DNASE1L3: variants seen among roughly 807,000 people sequenced by gnomAD.
DNASE1L3 encodes deoxyribonuclease 1L3.
A neutral mutation model predicts 30.9 loss-of-function variants in DNASE1L3; 27 were observed. That is an observed-to-expected ratio of 0.87 (90% CI 0.64 to 1.20). The LOEUF is 1.20. Ranked by LOEUF, DNASE1L3 falls within the 50% of genes most tolerant of loss-of-function variation. The probability of loss-of-function intolerance (pLI) is 0.00; values close to 1 mark genes in which losing one functional copy is unlikely to be tolerated. For synonymous variants in DNASE1L3, 135 were observed against 138.0 expected (o/e 0.98, Z 0.15); for missense variants, 364 against 378.2 (o/e 0.96, Z 0.31).
intron 5 of DNASE1L3, among the ~76,000 whole-genome samples, chr3:58,199,480 G>C (rs2097399288): frequency 6.6e-6 from 1 of 152,122 alleles, no homozygotes; most frequent in African/African-American, 2.4e-5. Context: ...GACCAGCCTG[G>C]CCAACATGGT....
chr3:58,202,014 C>T (rs2097400974), intron 4 of DNASE1L3, among the ~76,000 whole-genome samples: 1 of 151,920 alleles, frequency 6.6e-6, no homozygotes, highest in Non-Finnish European at 1.5e-5. Flanking sequence ...TTTTATTTTC[C>T]CCTTTTTGTG....
At chr3:58,202,272 A>G (rs954870268) in intron 4 of DNASE1L3, among the ~76,000 whole-genome samples, 32 of 145,964 alleles carry the variant, frequency 2.2e-4, no homozygotes, top group African/African-American at 7.4e-4. Flanking sequence ...CAGCCTCCCA[A>G]GTAACTGGGA....
chr3:58,202,123 A>G (rs1361677932), intron 4 of DNASE1L3, among the ~76,000 whole-genome samples: 2 of 131,820 alleles, frequency 1.5e-5, no homozygotes, highest in South Asian at 4.8e-4. Context: ...TTATGGTTGT[A>G]TTTTCTTCTT....
chr3:58,204,808 T>C lies in DNASE1L3; in HGVS notation c.394A>G (p.Arg132Gly), dbSNP rs1175826387. The part of the protein sequence containing the change: ...YQDGDADVFS[R>G]EPFVVWFQSP... ...TGGAACCAGACCACAAAGGGCTCCC[T>C]GGAAAACACATCTGCGTCTCCATCC... Residue 132 changes from arginine (R) to glycine (G), a missense_variant, in exon 4 of 8, where the codon AGG (arginine) becomes GGG (glycine). Arg to Gly is a moderately radical substitution (Grantham distance 125). Transcript: ENST00000394549. 6.2e-7 allele frequency: 1 copy of C among 1,614,138 alleles called. No homozygotes were observed. The highest frequency in any genetic ancestry group is 8.5e-7 in the Non-Finnish European group (1 of 1,180,014).
At chr3:58,205,022 T>C (rs2097403036) in intron 3 of DNASE1L3, 141 bp from the exon 4 acceptor site, 1 of 720,874 alleles carries the variant, frequency 1.4e-6, no homozygotes, top group South Asian at 1.9e-5. Context: ...AGAACAAGGC[T>C]AAGTCAACTC....
At chr3:58,203,021 C>T (rs909353729) in intron 4 of DNASE1L3, among the ~76,000 whole-genome samples, 3 of 152,250 alleles carry the variant, frequency 2.0e-5, no homozygotes, top group Admixed American at 1.3e-4. Flanking sequence ...GCAATGTGCG[C>T]GAGCCTCAGA....
At chr3:58,195,893 A>G (rs1026485688) in intron 6 of DNASE1L3, among the ~76,000 whole-genome samples, 3 of 152,198 alleles carry the variant, frequency 2.0e-5, no homozygotes. Flanking sequence ...ATGTAATCCC[A>G]CCATCCTTTG....
In DNASE1L3 at chr3:58,208,284, A is replaced by G; in HGVS notation, c.164T>C (p.Ile55Thr). 1 of 1,614,234 alleles carries G rather than the reference A, an allele frequency of 6.2e-7. No individual in the cohort carries two copies. Among genetic ancestry groups the G allele is most frequent in the South Asian group, 1.1e-5 (1 of 91,090 alleles). Residue 55 changes from isoleucine to threonine, a missense_variant, in exon 2 of 8, where the codon ATA becomes ACA. Ile to Thr is a moderately conservative substitution (Grantham distance 89). Transcript: ENST00000394549. ...GCTGTCCTTGATTTCCATCACGAGT[A>G]TGATGTCACAGCGTTTGATGACCTG... ...IVKVIKRCDI[I>T]LVMEIKDSNN...
intron 4 of DNASE1L3, among the ~76,000 whole-genome samples, chr3:58,203,129 T>G (rs1405969976): frequency 1.3e-5 from 2 of 151,998 alleles, no homozygotes; most frequent in African/African-American, 4.8e-5. Context: ...CACTCTTACC[T>G]CAACAGACAC....
At chr3:58,195,642 G>A (rs150548207) in intron 6 of DNASE1L3, among the ~76,000 whole-genome samples, 15,920 of 107,178 alleles carry the variant, frequency 0.15, 1,824 homozygotes, top group Non-Finnish European at 0.19. Context: ...AAAAAAAAGC[G>A]GGGCATGTTT....
intron 4 of DNASE1L3, among the ~76,000 whole-genome samples, chr3:58,203,305 C>T (rs1262009166): frequency 6.6e-6 from 1 of 152,208 alleles, no homozygotes; most frequent in Non-Finnish European, 1.5e-5. Flanking sequence ...CAGCTTCCTT[C>T]CCACTTCTGA....
In DNASE1L3 at chr3:58,192,893, AG is replaced by A; in HGVS notation, c.802-91del. 1 of 1,555,944 alleles carries A rather than the reference AG, an allele frequency of 6.4e-7. No individual in the cohort carries two copies. Among genetic ancestry groups the A allele is most frequent in the Non-Finnish European group, 8.7e-7 (1 of 1,156,030 alleles). On this transcript the variant is annotated intron_variant, in intron 7 of 7. Transcript: ENST00000394549. This position sits in a 1 kb window ranked among gnomAD's most constrained non-coding sequence, Gnocchi z 4.8. ...GCGATGAGCAAATTTAGGACCAGGG[AG>A]GGGAGAGGAAATGCCCGAAGTCACC...
intron 6 of DNASE1L3, among the ~76,000 whole-genome samples, chr3:58,195,396 C>T (rs1425584811): frequency 6.6e-6 from 1 of 152,018 alleles, no homozygotes; most frequent in Non-Finnish European, 1.5e-5. Flanking sequence ...CTCCTGGGCT[C>T]AAGTGATCCT....
intron 5 of DNASE1L3, among the ~76,000 whole-genome samples, chr3:58,198,646 G>T (rs1163737838): frequency 6.6e-6 from 1 of 152,170 alleles, no homozygotes; most frequent in Non-Finnish European, 1.5e-5. Context: ...AATTCAGCAT[G>T]CAGAGTCAGG....
rs1483626924 is a variant in DNASE1L3 at position 58,197,814 on chromosome 3, C to T, written c.704+7G>A. 1 of 1,613,446 alleles carries T rather than the reference C, an allele frequency of 6.2e-7. No individual in the cohort carries two copies. The highest frequency in any genetic ancestry group is 8.5e-7 in the Non-Finnish European group (1 of 1,180,030). On this transcript the variant is annotated splice_region_variant and intron_variant, in intron 6 of 7. Transcript: ENST00000394549. The surrounding 1 kb of genome is among the most constrained non-coding windows in gnomAD (Gnocchi z 5.3). ...GTGAGCCAGCAGCACCCTGCAGGGC[C>T]TCCTACCTGTCATATGCACAGTTGG...
intron 6 of DNASE1L3, among the ~76,000 whole-genome samples, chr3:58,194,262 T>A (rs1434623161): frequency 6.6e-6 from 1 of 151,404 alleles, no homozygotes; most frequent in Non-Finnish European, 1.5e-5. Flanking sequence ...CCTTCCCCAT[T>A]CTAATCAACA....
In DNASE1L3 at chr3:58,210,751, A is replaced by C; in HGVS notation, c.141+15T>G. On this transcript the variant is annotated intron_variant, in intron 1 of 7. Coordinates refer to ENST00000394549, the MANE Select transcript of DNASE1L3 (RefSeq NM_004944.4). ...GAGGGGTGTCTGGGATCCTCCTCCC[A>C]GGAAAGGGGCTCACCTTCACAATGA... 1 of 1,614,018 alleles carries C rather than the reference A, an allele frequency of 6.2e-7. No individual in the cohort carries two copies. The highest frequency in any genetic ancestry group is 8.5e-7 in the Non-Finnish European group (1 of 1,179,916).
intron 4 of DNASE1L3, among the ~76,000 whole-genome samples, 161 bp downstream of exon 4, chr3:58,204,608 T>G (rs1261028340): frequency 5.9e-5 from 9 of 152,226 alleles, no homozygotes; most frequent in African/African-American, 2.2e-4. Flanking sequence ...GAAGCAAGCC[T>G]GGTGCCATCA....
At chr3:58,196,979 G>C (rs551802069) in intron 6 of DNASE1L3, among the ~76,000 whole-genome samples, 5 of 152,338 alleles carry the variant, frequency 3.3e-5, no homozygotes, top group Non-Finnish European at 7.3e-5. Context: ...ATGCACAGAG[G>C]ATATTGATTT....
Sources: allele counts gnomAD v4.1 joint callset (sites outside exome capture counted in the v4.1 genomes callset), GRCh38; gene constraint gnomAD v4.1.1; non-coding constraint Gnocchi (gnomAD v3.1); transcripts MANE v1.5; gene names NCBI Gene and HGNC (gene_info 2026-07-23, HGNC 2026-07-21).